Variants in SRGAP3 observed in about 807,000 individuals in gnomAD.
The protein encoded by SRGAP3 is SLIT-ROBO Rho GTPase-activating protein 3.
In SRGAP3, 39 loss-of-function variants were observed where a neutral mutation model predicts 121.1. The observed-to-expected ratio is 0.32, with a 90% CI of 0.25 to 0.42. The LOEUF (loss-of-function observed/expected upper bound fraction) is 0.42, where lower values mean the gene tolerates loss of function less well. Ranked by LOEUF, SRGAP3 falls within the 10% of genes least tolerant of loss-of-function variation. SRGAP3 has a pLI of 1.00. For missense variants in SRGAP3, 1,213 were observed against 1,470.6 expected (o/e 0.82, Z 2.86); for synonymous variants, 601 against 570.0 (o/e 1.05, Z -0.77).
In SRGAP3 at chr3:9,218,646, T is replaced by A. The variant is rs1574890133; in HGVS notation, c.67+30239A>T. On this transcript the variant is annotated intron_variant, in intron 1 of 21. Transcript: ENST00000383836. This position sits in a 1 kb window ranked among gnomAD's most constrained non-coding sequence, Gnocchi z 5.3. The stretch of plus-strand genomic sequence containing the variant: ...TGAATTTTTTATCTTTTAATTTTAC[T>A]TTTTATTATTTATTATTTTTATTTA... The A allele has an allele frequency of 1.3e-5, 2 of 152,004 alleles. No individual in the cohort carries two copies. The highest frequency in any genetic ancestry group is 2.9e-5 in the Non-Finnish European group (2 of 68,000). The allele number at this position is 152,004 out of a possible 1,614,324, so 9.4% of individuals were successfully genotyped here.
chr3:9,042,917 C>A (rs1945089244), intron 10 of SRGAP3, among the ~76,000 whole-genome samples: 1 of 152,144 alleles, frequency 6.6e-6, no homozygotes, highest in African/African-American at 2.4e-5. Context: ...TCACCACATC[C>A]TTTCCCGCAT....
intron 1 of SRGAP3, among the ~76,000 whole-genome samples, chr3:9,175,790 T>A (rs546464003): frequency 6.6e-6 from 1 of 152,312 alleles, no homozygotes; most frequent in Admixed American, 6.5e-5. Flanking sequence ...TGCTTCTACA[T>A]GTTTAGAGAG....
At chr3:9,063,810 T>C (rs370407356) in intron 5 of SRGAP3, among the ~76,000 whole-genome samples, 6 of 152,304 alleles carry the variant, frequency 3.9e-5, no homozygotes, top group East Asian at 3.9e-4. Context: ...AAAACCCAGC[T>C]CATTTGACTC....
In SRGAP3 at chr3:9,348,640, T is replaced by G; in HGVS notation, n.214+14200A>C. 4 of 1,064,196 alleles carry G rather than the reference T, an allele frequency of 3.8e-6. No individual in the cohort carries two copies. The Admixed American group carries it at 6.8e-5, about 18-fold the overall frequency. 65.9% of individuals were successfully genotyped at this position (1,064,196 alleles called of 1,614,324 possible). A position where few individuals can be genotyped will look rare whatever the true frequency, so the allele number is the denominator to read the frequency against. The stretch of plus-strand genomic sequence containing the variant: ...GTGCAGAAGAGAGTGATCCAGACCC[T>G]CTGGACAGTGCTAGATGCCATTGAT... On this transcript the variant is annotated intron_variant and non_coding_transcript_variant, in intron 1 of 3. Coordinates refer to the SRGAP3 transcript ENST00000490889.
In SRGAP3 at chr3:9,237,827, A is replaced by G. The variant is rs370847058; in HGVS notation, c.67+11058T>C. On this transcript the variant is annotated intron_variant, in intron 1 of 21. Transcript: ENST00000383836. ...AGTCTCATGCAATGAGATGCTACTG[A>G]AGGGTTTTAAACAGGGAAGTGACAT... Among the ~76,000 whole-genome samples the G allele has an allele frequency of 1.1e-4, 16 of 152,278 alleles. 1 individual carries two copies. The highest frequency in any genetic ancestry group is 4.6e-4 in the Admixed American group (7 of 15,296).
chr3:9,279,254 G>T (rs1175002558), intron 3 of SRGAP3, among the ~76,000 whole-genome samples: 1 of 152,116 alleles, frequency 6.6e-6, no homozygotes, highest in Non-Finnish European at 1.5e-5. Flanking sequence ...AAGAGGGGTG[G>T]GATAAGCCCC....
intron 1 of SRGAP3, among the ~76,000 whole-genome samples, chr3:9,136,345 G>C (rs991786144): frequency 2.4e-4 from 37 of 151,684 alleles, no homozygotes; most frequent in East Asian, 2.4e-3. Flanking sequence ...AGCAGATGCC[G>C]GGCCGGGGTC....
chr3:9,026,120 T>C (rs2125070567), intron 13 of SRGAP3, among the ~76,000 whole-genome samples: 1 of 152,210 alleles, frequency 6.6e-6, no homozygotes, highest in East Asian at 1.9e-4. Flanking sequence ...TCCTCCATTC[T>C]CTCCACCTGG....
chr3:9,223,238 T>A (rs1408793618), intron 1 of SRGAP3, among the ~76,000 whole-genome samples: 2 of 152,358 alleles, frequency 1.3e-5, no homozygotes, highest in Admixed American at 1.3e-4. Flanking sequence ...AAGGGAGGGC[T>A]GATTGGTTAC....
Position 9,058,277 on chromosome 3 carries a change from C to T in SRGAP3, c.997G>A (p.Glu333Lys). Residue 333 changes from glutamate to lysine, a missense_variant, in exon 7 of 22, where the codon GAG becomes AAG. Transcript: ENST00000383836. Reference sequence around the variant, plus strand: ...TCATCCCCCATGTGGGGCTGGAACTCGAACTTGAGTGGAGGGCAGAAGACT... The same window carrying T: ...TCATCCCCCATGTGGGGCTGGAACTTGAACTTGAGTGGAGGGCAGAAGACT... ...NQVFCPPLKF[E>K]FQPHMGDEVC... is the part of the protein sequence containing the mutation. The T allele has an allele frequency of 2.5e-6, 4 of 1,614,220 alleles. No homozygotes were observed. The highest frequency in any genetic ancestry group is 3.4e-6 in the Non-Finnish European group (4 of 1,180,042).
intron 3 of SRGAP3, among the ~76,000 whole-genome samples, chr3:9,316,347 C>G (rs1955345719): frequency 1.3e-5 from 2 of 150,400 alleles, no homozygotes; most frequent in Non-Finnish European, 3.0e-5. Context: ...CCACACTCAG[C>G]CTTCTTGGTT....
chr3:9,064,279 C>T, intron 5 of SRGAP3, 117 bp downstream of exon 5: 1 of 1,405,072 alleles, frequency 7.1e-7, no homozygotes, highest in Non-Finnish European at 9.8e-7. Flanking sequence ...CCCTACCCAC[C>T]ACCACCCCAC....
chr3:9,248,722 C>T (rs753477423), intron 1 of SRGAP3, among the ~76,000 whole-genome samples, 163 bp downstream of exon 1: 2 of 152,088 alleles, frequency 1.3e-5, no homozygotes, highest in African/African-American at 2.4e-5. Context: ...TGAAACCAGT[C>T]CGGACTTGTG....
intron 21 of SRGAP3, among the ~76,000 whole-genome samples, chr3:8,988,197 C>T (rs182666942): frequency 1.1e-3 from 171 of 152,300 alleles, no homozygotes; most frequent in Non-Finnish European, 2.2e-3. Flanking sequence ...CTTTTCATCT[C>T]CTCCCCAATT....
In SRGAP3 at chr3:9,231,174, G is replaced by T. The variant is rs117363233; in HGVS notation, c.67+17711C>A. Among the ~76,000 whole-genome samples the T allele has an allele frequency of 1.3e-3, 194 of 152,338 alleles. 3 individuals carry two copies. In the East Asian group the frequency reaches 0.021, roughly 17 times the overall value. On this transcript the variant is annotated intron_variant, in intron 1 of 21. Transcript: ENST00000383836. ...AAGGTCTGGGGTGGAAGCCAAAAAGGGCTTTTGTCCAAGGAGCTCAGAGAA... is the reference window on the plus strand; with the variant it reads ...AAGGTCTGGGGTGGAAGCCAAAAAGTGCTTTTGTCCAAGGAGCTCAGAGAA...
chr3:9,011,342 T>C (rs1380676541), intron 17 of SRGAP3, among the ~76,000 whole-genome samples: 1 of 152,216 alleles, frequency 6.6e-6, no homozygotes, highest in Non-Finnish European at 1.5e-5. Flanking sequence ...TTTAAAGGAA[T>C]ATGCATTTTA....
chr3:9,248,960 G>C lies in SRGAP3; in HGVS notation c.-9C>G, dbSNP rs772150781. 6.2e-7 allele frequency: 1 copy of C among 1,613,804 alleles called. No homozygotes were observed. The highest frequency in any genetic ancestry group is 1.7e-5 in the Admixed American group (1 of 59,984). On this transcript the variant is annotated 5_prime_UTR_variant, in exon 1 of 22. Transcript: ENST00000383836. ...TTAGTTTGAGATGACATCTTCTGAC[G>C]TGGCCAAAGGAACTGACAGGCTGTT...
intron 3 of SRGAP3, among the ~76,000 whole-genome samples, chr3:9,294,429 C>T (rs924648813): frequency 2.0e-5 from 3 of 152,026 alleles, no homozygotes; most frequent in African/African-American, 7.2e-5. Context: ...AGGTACTAGG[C>T]TTAATACTTG....
chr3:9,025,073 C>T (rs1559940523), intron 14 of SRGAP3, among the ~76,000 whole-genome samples, 188 bp downstream of exon 14: 1 of 152,158 alleles, frequency 6.6e-6, no homozygotes, highest in Non-Finnish European at 1.5e-5. Flanking sequence ...GGTGTAAACA[C>T]GCCAGCCATG....
Sources: allele counts gnomAD v4.1 joint callset (sites outside exome capture counted in the v4.1 genomes callset), GRCh38; gene constraint gnomAD v4.1.1; non-coding constraint Gnocchi (gnomAD v3.1); transcripts MANE v1.5; gene names NCBI Gene and HGNC (gene_info 2026-07-23, HGNC 2026-07-21).